The following ASTN2 variants were observed in gnomAD, a reference collection of about 807,000 sequenced individuals.
The protein encoded by ASTN2 is astrotactin-2.
In ASTN2, 54 loss-of-function variants were observed where a neutral mutation model predicts 139.8. That is an observed-to-expected ratio of 0.39 (90% confidence interval 0.31 to 0.48). The LOEUF (loss-of-function observed/expected upper bound fraction) is 0.48. Among genes scored for constraint, ASTN2 ranks in the 20% least tolerant of loss-of-function variants. The pLI is 0.95. For missense variants in ASTN2, 1,565 were observed against 1,725.1 expected (o/e 0.91, Z 1.64); for synonymous variants, 756 against 719.5 (o/e 1.05, Z -0.81).
chr9:116,677,425 G>A (rs1859576197), intron 16 of ASTN2, among the ~76,000 whole-genome samples: 1 of 152,170 alleles, frequency 6.6e-6, no homozygotes, highest in Non-Finnish European at 1.5e-5. Flanking sequence ...ACAGTTTTGA[G>A]TTTGGGGGTA....
intron 9 of ASTN2, among the ~76,000 whole-genome samples, chr9:116,975,866 TTAA>T (rs1836328459): frequency 6.6e-6 from 1 of 152,226 alleles, no homozygotes; most frequent in Non-Finnish European, 1.5e-5. Flanking sequence ...ACCACTGGAC[TTAA>T]TAATCAGTAA....
At chr9:117,174,008 AT>A (rs1830856912) in intron 3 of ASTN2, among the ~76,000 whole-genome samples, 1 of 151,858 alleles carries the variant, frequency 6.6e-6, no homozygotes, top group Admixed American at 6.6e-5. Context: ...AATAGATATA[AT>A]ATAACACCAA....
intron 1 of ASTN2, among the ~76,000 whole-genome samples, chr9:117,378,034 C>T (rs1830171014): frequency 6.6e-6 from 1 of 152,066 alleles, no homozygotes; most frequent in Admixed American, 6.6e-5. Flanking sequence ...ACTTTCTACC[C>T]CACATGATTT....
At chr9:117,355,896 C>T (rs1829526628) in intron 1 of ASTN2, among the ~76,000 whole-genome samples, 1 of 152,146 alleles carries the variant, frequency 6.6e-6, no homozygotes, top group African/African-American at 2.4e-5. Flanking sequence ...CCATTCCAAG[C>T]ACTTGCTAAT....
chr9:116,514,076 C>A (rs963902595), intron 19 of ASTN2, among the ~76,000 whole-genome samples: 1 of 151,900 alleles, frequency 6.6e-6, no homozygotes, highest in Non-Finnish European at 1.5e-5. Context: ...GAGAGGTGCT[C>A]TGATTTTTAG....
At chr9:116,973,986 A>T (rs760018223) in intron 10 of ASTN2, among the ~76,000 whole-genome samples, 14 of 152,220 alleles carry the variant, frequency 9.2e-5, no homozygotes, top group Admixed American at 5.2e-4. Flanking sequence ...TTCTGTCAAG[A>T]TGCCATAGAA....
intron 2 of ASTN2, among the ~76,000 whole-genome samples, chr9:117,246,972 T>C (rs1206101261): frequency 6.6e-6 from 1 of 152,086 alleles, no homozygotes; most frequent in African/African-American, 2.4e-5. Flanking sequence ...TGAAGGTCCA[T>C]GGATTCTATC....
intron 13 of ASTN2, among the ~76,000 whole-genome samples, chr9:116,758,247 C>T (rs1588269272): frequency 6.6e-6 from 1 of 152,260 alleles, no homozygotes; most frequent in East Asian, 1.9e-4. Flanking sequence ...AAACTTATTG[C>T]TAGCAAAGAA....
chr9:116,462,679 C>T (rs941917617), intron 20 of ASTN2, among the ~76,000 whole-genome samples: 3 of 152,002 alleles, frequency 2.0e-5, no homozygotes, highest in African/African-American at 2.4e-5. Flanking sequence ...AATATAGGAA[C>T]GATGGGATAA....
intron 11 of ASTN2, among the ~76,000 whole-genome samples, chr9:116,822,901 C>T (rs780389220): frequency 2.0e-5 from 3 of 152,084 alleles, no homozygotes; most frequent in Admixed American, 6.5e-5. Flanking sequence ...TCCAGATTGG[C>T]GTAAATGCCA....
At chr9:116,732,762 G>T (rs971009009) in intron 14 of ASTN2, among the ~76,000 whole-genome samples, 3 of 152,168 alleles carry the variant, frequency 2.0e-5, no homozygotes, top group South Asian at 2.1e-4. Context: ...TTGCAGGGGT[G>T]GGGGAGCGGC....
rs1233377898 is a variant in ASTN2, at chr9:117,414,430, C to A, written c.442+67G>T. ...GGCAGGGATCCCCAGGGCGCCCCCA[C>A]CCGTCCGGCATGACGCAGGGGCTCG... On this transcript the variant is annotated intron_variant, in intron 1 of 22. Coordinates refer to ENST00000313400, the MANE Select transcript of ASTN2 (RefSeq NM_001365068.1). The surrounding 1 kb of genome is among the most constrained non-coding windows in gnomAD (Gnocchi z 4.2). 6 of 1,584,218 alleles carry A rather than the reference C, an allele frequency of 3.8e-6. No homozygotes were observed. In the African/African-American group the frequency reaches 5.5e-5, roughly 15 times the overall value.
chr9:117,139,042 G>C, intron 4 of ASTN2, among the ~76,000 whole-genome samples: 1 of 152,096 alleles, frequency 6.6e-6, no homozygotes, highest in East Asian at 1.9e-4. Flanking sequence ...AATTCAGGTT[G>C]GTAATGAAGG....
At chr9:117,101,489 C>A (rs1271914086) in intron 4 of ASTN2, among the ~76,000 whole-genome samples, 2 of 152,094 alleles carry the variant, frequency 1.3e-5, no homozygotes, top group African/African-American at 4.8e-5. Flanking sequence ...GCCTTTCTAT[C>A]CTTGCTGCTT....
At chr9:116,968,898 C>CCAAAAA (rs1836098218) in intron 10 of ASTN2, among the ~76,000 whole-genome samples, 1 of 93,622 alleles carries the variant, frequency 1.1e-5, no homozygotes, top group Non-Finnish European at 2.2e-5. Flanking sequence ...GACTCTGTCT[C>CCAAAAA]AAAAAAAAAA....
rs564223709 is a variant in ASTN2, at chr9:116,915,241, G to T, written c.1890-51508C>A. ...TCTAGACTCCCTAAAAGACCAAAAA[G>T]TTCTCATGGCCATGGTCATGGACAA... On this transcript the variant is annotated intron_variant, in intron 10 of 22. Coordinates refer to ENST00000313400, the MANE Select transcript of ASTN2 (RefSeq NM_001365068.1). Among the ~76,000 whole-genome samples the T allele has an allele frequency of 2.6e-5, 4 of 152,300 alleles. 1 individual carries two copies. In the South Asian group the frequency reaches 8.3e-4, roughly 32 times the overall value.
At chr9:116,560,045 C>T (rs1852827671) in intron 19 of ASTN2, among the ~76,000 whole-genome samples, 1 of 152,170 alleles carries the variant, frequency 6.6e-6, no homozygotes, top group Admixed American at 6.5e-5. Context: ...GATGGTCTGG[C>T]TGTAATTCTA....
At chr9:116,673,307 C>T (rs745853541) in intron 16 of ASTN2, among the ~76,000 whole-genome samples, 3 of 152,080 alleles carry the variant, frequency 2.0e-5, no homozygotes, top group South Asian at 2.1e-4. Flanking sequence ...CACAATTCAC[C>T]GGTTACATAT....
At chr9:117,409,602 C>A (rs1036763959) in intron 1 of ASTN2, among the ~76,000 whole-genome samples, 26 of 152,166 alleles carry the variant, frequency 1.7e-4, no homozygotes, top group African/African-American at 6.3e-4. Context: ...ATCAGACACC[C>A]TCCCCTTCTC....
Sources: gnomAD v4.1 joint callset for allele counts (sites outside exome capture counted in the v4.1 genomes callset) on GRCh38, gnomAD v4.1.1 for gene constraint, Gnocchi (gnomAD v3.1) non-coding constraint, MANE v1.5 for transcripts, NCBI Gene and HGNC (gene_info 2026-07-23, HGNC 2026-07-21) for gene names.